The following DAB1 variants were observed in gnomAD, a reference collection of about 807,000 sequenced individuals.
The protein encoded by DAB1 is DAB adaptor protein 1.
In DAB1, 15 loss-of-function variants were observed where a neutral mutation model predicts 64.6. The observed-to-expected ratio is 0.23, with a 90% confidence interval of 0.16 to 0.36. The LOEUF (loss-of-function observed/expected upper bound fraction) is 0.36, where lower values mean the gene tolerates loss of function less well. DAB1 is among the 10% of genes least tolerant of loss of function. The pLI is 1.00. For synonymous variants in DAB1, 235 were observed against 251.9 expected (o/e 0.93, Z 0.64); for missense variants, 596 against 706.7 (o/e 0.84, Z 1.78).
At chr1:57,465,180 G>A (rs569244563) in intron 7 of DAB1, among the ~76,000 whole-genome samples, 1 of 152,032 alleles carries the variant, frequency 6.6e-6, no homozygotes, top group Non-Finnish European at 1.5e-5. Flanking sequence ...GATTAAATAC[G>A]GAAAAATTCA....
intron 2 of DAB1, among the ~76,000 whole-genome samples, chr1:57,218,890 G>A (rs749668558): frequency 2.0e-5 from 3 of 152,208 alleles, no homozygotes; most frequent in East Asian, 1.9e-4. Flanking sequence ...GGCCAGCAGC[G>A]GTGAGGGGAG....
At chr1:57,037,272 T>C (rs539158655) in intron 9 of DAB1, among the ~76,000 whole-genome samples, 83 of 152,370 alleles carry the variant, frequency 5.4e-4, no homozygotes, top group African/African-American at 1.9e-3. Flanking sequence ...AATTGATTAA[T>C]TAGTTTCTTC....
intron 7 of DAB1, among the ~76,000 whole-genome samples, chr1:57,453,828 C>T (rs1364265284): frequency 6.6e-6 from 1 of 151,992 alleles, no homozygotes; most frequent in Non-Finnish European, 1.5e-5. Context: ...GTTATAACTA[C>T]TTATAGTAGA....
chr1:57,298,662 C>G (rs1257568234), intron 1 of DAB1, among the ~76,000 whole-genome samples: 1 of 151,934 alleles, frequency 6.6e-6, no homozygotes. Context: ...GAATTTTAGG[C>G]AACTTACCAA....
intron 7 of DAB1, among the ~76,000 whole-genome samples, chr1:57,611,997 T>C (rs1645732391): frequency 6.6e-6 from 1 of 152,140 alleles, no homozygotes; most frequent in Non-Finnish European, 1.5e-5. Flanking sequence ...CTCATTCATG[T>C]CTCAGATTCT....
chr1:57,520,916 G>C (rs4348747), intron 7 of DAB1, among the ~76,000 whole-genome samples: 10,636 of 151,996 alleles, frequency 0.07, 1,157 homozygotes, highest in African/African-American at 0.23. Context: ...GGACAGTCAA[G>C]CAGAAAAGAC....
chr1:58,381,567 G>T (rs944782106), intron 3 of DAB1, among the ~76,000 whole-genome samples: 2 of 152,172 alleles, frequency 1.3e-5, no homozygotes, highest in African/African-American at 4.8e-5. Flanking sequence ...GGAGCCTCAA[G>T]TACAATGTGA....
chr1:57,901,959 A>G (rs960496800), intron 5 of DAB1, among the ~76,000 whole-genome samples: 4 of 151,732 alleles, frequency 2.6e-5, no homozygotes, highest in Non-Finnish European at 5.9e-5. Context: ...AAACAAACAA[A>G]CACGCGGGCA....
chr1:57,258,411 C>CA (rs1669928076), intron 2 of DAB1, among the ~76,000 whole-genome samples: 1 of 152,118 alleles, frequency 6.6e-6, no homozygotes, highest in Non-Finnish European at 1.5e-5. Context: ...CCACCCCAAC[C>CA]ATTTCCCTTC....
At chr1:58,488,459 CTT>C (rs529647379) in intron 3 of DAB1, among the ~76,000 whole-genome samples, 2 of 151,086 alleles carry the variant, frequency 1.3e-5, no homozygotes, top group African/African-American at 4.9e-5. Flanking sequence ...AATGTGTAGT[CTT>C]TTTTTTTGAG....
At chr1:58,188,983 A>T (rs1407056682) in intron 4 of DAB1, among the ~76,000 whole-genome samples, 1 of 152,214 alleles carries the variant, frequency 6.6e-6, no homozygotes, top group Non-Finnish European at 1.5e-5. Flanking sequence ...TTATAATTAG[A>T]AGGGTAAACA....
intron 1 of DAB1, among the ~76,000 whole-genome samples, chr1:57,332,143 T>C (rs1331172984): frequency 1.3e-5 from 2 of 152,182 alleles, no homozygotes; most frequent in African/African-American, 2.4e-5. Flanking sequence ...TTTGTATTTT[T>C]AGTAGAGACA....
chr1:58,090,784 G>C (rs1650605779), intron 5 of DAB1, among the ~76,000 whole-genome samples: 1 of 152,166 alleles, frequency 6.6e-6, no homozygotes, highest in South Asian at 2.1e-4. Context: ...CAGGCAGGCA[G>C]ACTAACAAGG....
At chr1:57,455,605 A>T (rs1022389362) in intron 7 of DAB1, among the ~76,000 whole-genome samples, 1 of 152,138 alleles carries the variant, frequency 6.6e-6, no homozygotes, top group Non-Finnish European at 1.5e-5. Flanking sequence ...AGTGTTAATA[A>T]GCAGGCAAGA....
At chr1:57,560,449 G>A (rs576015636) in intron 7 of DAB1, among the ~76,000 whole-genome samples, 8 of 152,202 alleles carry the variant, frequency 5.3e-5, no homozygotes, top group Non-Finnish European at 7.3e-5. Flanking sequence ...CAAGTCCAGT[G>A]GTGTGGGGCC....
intron 5 of DAB1, among the ~76,000 whole-genome samples, chr1:58,028,118 T>C (rs1233473518): frequency 6.6e-6 from 1 of 152,206 alleles, no homozygotes; most frequent in Non-Finnish European, 1.5e-5. Flanking sequence ...ACATCCTCAC[T>C]TAATATATGC....
chr1:58,462,109 G>GTTTTTTTTT (rs1557770618), intron 3 of DAB1, among the ~76,000 whole-genome samples: 1 of 133,928 alleles, frequency 7.5e-6, no homozygotes. Context: ...ATCTGAGAAG[G>GTTTTTTTTT]TTTCTTTTTT....
intron 6 of DAB1, among the ~76,000 whole-genome samples, chr1:57,728,961 G>C (rs944427874): frequency 1.3e-5 from 2 of 152,120 alleles, no homozygotes; most frequent in Non-Finnish European, 2.9e-5. Context: ...ATCTTTTGTT[G>C]TAACTAATTA....
intron 1 of DAB1, among the ~76,000 whole-genome samples, chr1:57,348,219 C>T (rs1053239482): frequency 1.3e-5 from 2 of 152,144 alleles, no homozygotes; most frequent in African/African-American, 4.8e-5. Flanking sequence ...GAGGAGCAAA[C>T]ACTTGTCCCT....
Sources: gnomAD v4.1 joint callset for allele counts (sites outside exome capture counted in the v4.1 genomes callset) on GRCh38, gnomAD v4.1.1 for gene constraint, MANE v1.5 for transcripts, NCBI Gene and HGNC (gene_info 2026-07-23, HGNC 2026-07-21) for gene names.